Variants in KDM4C observed in about 807,000 individuals in gnomAD.
The protein encoded by KDM4C is lysine demethylase 4C.
In KDM4C, 81 loss-of-function variants were observed where a neutral mutation model predicts 129.3. The ratio of observed to expected loss-of-function variants is 0.63; its 90% CI spans 0.52 to 0.75. The LOEUF (loss-of-function observed/expected upper bound fraction) is 0.75, where lower values mean the gene tolerates loss of function less well. KDM4C is among the 30% of genes least tolerant of loss of function. KDM4C has a pLI of 0.00. For missense variants in KDM4C, 1,457 were observed against 1,304.0 expected (o/e 1.12, Z -1.81); for synonymous variants, 573 against 456.1 (o/e 1.26, Z -3.26).
chr9:7,169,161 C>A (rs1273721172), intron 20 of KDM4C, among the ~76,000 whole-genome samples: 1 of 152,006 alleles, frequency 6.6e-6, no homozygotes, highest in Admixed American at 6.6e-5. Context: ...CTGACAGACC[C>A]AACCCATTTT....
At chr9:6,821,785 C>A (rs1400039438) in intron 4 of KDM4C, among the ~76,000 whole-genome samples, 1 of 151,688 alleles carries the variant, frequency 6.6e-6, no homozygotes, top group Non-Finnish European at 1.5e-5. Flanking sequence ...CAGGTGCATG[C>A]CACCACACCT....
rs954432022 is a variant in KDM4C, at chr9:6,960,380, A to G, written c.922-20545A>G. 2.0e-5 allele frequency among the ~76,000 whole-genome samples: 3 copies of G among 151,562 alleles called. No individual in the cohort carries two copies. The East Asian group carries it at 5.8e-4, about 29-fold the overall frequency. On this transcript the variant is annotated intron_variant, in intron 8 of 21. Coordinates refer to ENST00000381309, the MANE Select transcript of KDM4C (RefSeq NM_015061.6). ...CTGCAGCCTGGACCTCCTGGGCTCA[A>G]GGGATCCTCTCTCCTCAGTCTCCTG...
intron 8 of KDM4C, among the ~76,000 whole-genome samples, chr9:6,900,826 G>T: frequency 6.6e-6 from 1 of 152,320 alleles, no homozygotes; most frequent in East Asian, 1.9e-4. Context: ...TCAAGTGTGT[G>T]TGGGGAAGTT....
chr9:6,993,716 GA>G (rs1348296641), intron 12 of KDM4C, among the ~76,000 whole-genome samples: 1 of 152,210 alleles, frequency 6.6e-6, no homozygotes, highest in Non-Finnish European at 1.5e-5. Context: ...TAGATGTGAT[GA>G]ACCCACTGAA....
At chr9:6,755,145 G>A (rs1365812048), upstream of KDM4C, among the ~76,000 whole-genome samples, 1 of 152,216 alleles carries the variant, frequency 6.6e-6, no homozygotes, top group African/African-American at 2.4e-5. Context: ...GCCAAGGTGA[G>A]TGGATCACAA....
chr9:7,088,396 A>G (rs1339258747), intron 17 of KDM4C, among the ~76,000 whole-genome samples: 1 of 152,172 alleles, frequency 6.6e-6, no homozygotes, highest in East Asian at 1.9e-4. Context: ...AAGAAATTAC[A>G]GTTCTTTATT....
rs192400233 is a variant in KDM4C at position 6,737,225 on chromosome 9, C to G, written c.49+16228C>G. 7.2e-5 allele frequency among the ~76,000 whole-genome samples: 11 copies of G among 151,972 alleles called. No homozygotes were observed. In the East Asian group the frequency reaches 1.3e-3, roughly 19 times the overall value. On this transcript the variant is annotated intron_variant, in intron 1 of 17. Coordinates refer to the KDM4C transcript ENST00000536108. ...AAGAGCTTCTGCACAGTAAAAGAAA[C>G]TATCAACAGAATAAAAAGACAACCT...
chr9:6,847,203 T>A (rs1324087610), intron 4 of KDM4C, among the ~76,000 whole-genome samples: 1 of 152,216 alleles, frequency 6.6e-6, no homozygotes, highest in African/African-American at 2.4e-5. Context: ...TATAATATGG[T>A]GCTCATTTAT....
chr9:6,928,273 G>A (rs1305978756), intron 8 of KDM4C, among the ~76,000 whole-genome samples: 1 of 152,148 alleles, frequency 6.6e-6, no homozygotes, highest in Non-Finnish European at 1.5e-5. Flanking sequence ...AGGCCTTCCA[G>A]TGTTAGAGAG....
At chr9:6,845,571 A>G (rs113960016) in intron 4 of KDM4C, among the ~76,000 whole-genome samples, 5 of 152,302 alleles carry the variant, frequency 3.3e-5, no homozygotes, top group African/African-American at 1.2e-4. Context: ...ACTATCACTG[A>G]TTGAAAGGGA....
At chr9:6,900,722 G>C (rs1363605432) in intron 8 of KDM4C, among the ~76,000 whole-genome samples, 5 of 152,244 alleles carry the variant, frequency 3.3e-5, no homozygotes, top group Non-Finnish European at 7.3e-5. Context: ...TTAGTCTGTA[G>C]TGCAACCGTC....
intron 17 of KDM4C, among the ~76,000 whole-genome samples, chr9:7,056,350 C>CAA (rs60009675): frequency 0.02 from 2,901 of 147,512 alleles, 124 homozygotes; most frequent in Admixed American, 0.097. Context: ...AAGTGTAGTG[C>CAA]AAAAAAAAAA....
rs538359897 is a variant in KDM4C at position 6,875,111 on chromosome 9, A to AT, written c.630-4895dup. On this transcript the variant is annotated intron_variant, in intron 5 of 21. Transcript: ENST00000381309. Reference sequence around the variant, plus strand: ...TTCCTTCCCATTTTCTGCTTTCGTGATTTTTTCATCTTCCCGTTTCCTTCC... The same window carrying AT: ...TTCCTTCCCATTTTCTGCTTTCGTGATTTTTTTCATCTTCCCGTTTCCTTCC... Among the ~76,000 whole-genome samples the AT allele has an allele frequency of 3.3e-3, 509 of 152,062 alleles. 3 individuals are homozygous for AT. Among genetic ancestry groups the AT allele is most frequent in the African/African-American group, 9.6e-3 (399 of 41,454 alleles).
At chr9:6,834,283 C>T (rs1448491459) in intron 4 of KDM4C, among the ~76,000 whole-genome samples, 2 of 152,038 alleles carry the variant, frequency 1.3e-5, no homozygotes, top group East Asian at 1.9e-4. Flanking sequence ...GCAATCTGCT[C>T]GCCTTGGCCT....
chr9:6,807,581 C>G (rs922844061), intron 3 of KDM4C, among the ~76,000 whole-genome samples: 2 of 150,626 alleles, frequency 1.3e-5, no homozygotes, highest in East Asian at 3.9e-4. Flanking sequence ...GAGACCCCGT[C>G]TGGGAGGTGA....
chr9:6,830,729 G>T (rs1834673557), intron 4 of KDM4C, among the ~76,000 whole-genome samples: 1 of 152,176 alleles, frequency 6.6e-6, no homozygotes, highest in African/African-American at 2.4e-5. Flanking sequence ...AATGAAGAAT[G>T]AAAATGAGGC....
intron 1 of KDM4C, among the ~76,000 whole-genome samples, chr9:6,728,166 G>A (rs1043520357): frequency 2.0e-5 from 3 of 151,384 alleles, no homozygotes; most frequent in South Asian, 2.1e-4. Flanking sequence ...AAGAAAAAGT[G>A]TTAGTGGGAT....
At chr9:6,928,678 C>T (rs1589151821) in intron 8 of KDM4C, among the ~76,000 whole-genome samples, 2 of 151,982 alleles carry the variant, frequency 1.3e-5, no homozygotes, top group Middle Eastern at 3.4e-3. Context: ...ATTGTCGTGC[C>T]CGTTATTTTT....
At chr9:6,913,829 A>G (rs1018177639) in intron 8 of KDM4C, among the ~76,000 whole-genome samples, 2 of 152,212 alleles carry the variant, frequency 1.3e-5, no homozygotes, top group Non-Finnish European at 2.9e-5. Flanking sequence ...GGCCACACTA[A>G]TGTCAGAGTT....
Sources: gnomAD v4.1 joint callset for allele counts (sites outside exome capture counted in the v4.1 genomes callset) on GRCh38, gnomAD v4.1.1 for gene constraint, MANE v1.5 for transcripts, NCBI Gene and HGNC (gene_info 2026-07-23, HGNC 2026-07-21) for gene names.